PHACTR1: variants seen among roughly 807,000 people sequenced by gnomAD.
The protein encoded by PHACTR1 is RPEL repeat containing 1.
A neutral mutation model predicts 69.2 loss-of-function variants in PHACTR1; 16 were observed. The observed-to-expected ratio is 0.23, with a 90% CI of 0.16 to 0.35. The LOEUF is 0.35. Ranked by LOEUF, PHACTR1 falls within the 10% of genes least tolerant of loss-of-function variation. The pLI, the probability that PHACTR1 is intolerant of heterozygous loss-of-function variation, is 1.00. For synonymous variants in PHACTR1, 312 were observed against 284.5 expected (o/e 1.10, Z -0.97); for missense variants, 510 against 734.7 (o/e 0.69, Z 3.54).
intron 5 of PHACTR1, among the ~76,000 whole-genome samples, chr6:13,081,270 A>G (rs918750268): frequency 6.6e-6 from 1 of 152,188 alleles, no homozygotes; most frequent in Non-Finnish European, 1.5e-5. Context: ...CAGTTTCCTC[A>G]TGCGTGAAGT....
intron 4 of PHACTR1, among the ~76,000 whole-genome samples, chr6:12,868,816 T>C (rs572784048): frequency 6.6e-6 from 1 of 152,136 alleles, no homozygotes; most frequent in African/African-American, 2.4e-5. Context: ...CATTCTATCA[T>C]TTAGAACAAA....
chr6:13,253,206 G>A (rs1445191896), intron 10 of PHACTR1, among the ~76,000 whole-genome samples: 1 of 152,186 alleles, frequency 6.6e-6, no homozygotes, highest in East Asian at 1.9e-4. Context: ...AAACACATGA[G>A]CTGCACATGT....
intron 4 of PHACTR1, among the ~76,000 whole-genome samples, chr6:12,935,216 T>C (rs1229106805): frequency 6.6e-6 from 1 of 152,176 alleles, no homozygotes; most frequent in Non-Finnish European, 1.5e-5. Flanking sequence ...AAAAGTATGA[T>C]GTAACTTATA....
At position 13,002,648 on chromosome 6, in the gene PHACTR1, C is replaced by T. The variant is rs74920378; in HGVS notation, c.251-50717C>T. Among the ~76,000 whole-genome samples the T allele has an allele frequency of 2.9e-3, 442 of 152,274 alleles. 1 individual carries two copies. Among genetic ancestry groups the T allele is most frequent in the Non-Finnish European group, 4.7e-3 (320 of 68,022 alleles). On this transcript the variant is annotated intron_variant, in intron 4 of 14. Coordinates refer to ENST00000332995, the MANE Select transcript of PHACTR1 (RefSeq NM_030948.6). ...AACTTGGCTGTACCAATGCCTGCCTCGAGAGTCAACTCTAAATGAATGTAA... is the reference window on the plus strand; with the variant it reads ...AACTTGGCTGTACCAATGCCTGCCTTGAGAGTCAACTCTAAATGAATGTAA...
At position 12,719,051 on chromosome 6, in the gene PHACTR1, A is replaced by C. The variant is rs1268890381; in HGVS notation, c.103+204A>C. Among the ~76,000 whole-genome samples the C allele has an allele frequency of 2.0e-5, 3 of 152,216 alleles. No homozygotes were observed. The East Asian group carries it at 5.8e-4, about 29-fold the overall frequency. On this transcript the variant is annotated intron_variant, in intron 3 of 14. Coordinates refer to ENST00000332995, the MANE Select transcript of PHACTR1 (RefSeq NM_030948.6). ...CCACACTTCTTGGATGTGGTTAAAAAAATGCCCAACTTTTGGTGTAAGTGC... is the reference window on the plus strand; with the variant it reads ...CCACACTTCTTGGATGTGGTTAAAACAATGCCCAACTTTTGGTGTAAGTGC...
At chr6:13,020,050 G>A (rs113802695) in intron 4 of PHACTR1, among the ~76,000 whole-genome samples, 2,597 of 152,292 alleles carry the variant, frequency 0.017, 46 homozygotes, top group Non-Finnish European at 0.026. Flanking sequence ...AGGTGAGTTT[G>A]TTGAAGGCCA....
chr6:13,286,486 G>A (rs1781721463), intron 14 of PHACTR1, among the ~76,000 whole-genome samples: 1 of 152,212 alleles, frequency 6.6e-6, no homozygotes, highest in African/African-American at 2.4e-5. Context: ...GACTACCAAC[G>A]ACCCCAAGGT....
chr6:13,221,880 A>G (rs756817914), intron 8 of PHACTR1, among the ~76,000 whole-genome samples: 2 of 152,156 alleles, frequency 1.3e-5, no homozygotes, highest in African/African-American at 2.4e-5. Flanking sequence ...TACTAAAAAT[A>G]TAATAATTAG....
intron 4 of PHACTR1, among the ~76,000 whole-genome samples, chr6:12,804,214 T>A (rs955641431): frequency 1.3e-5 from 2 of 152,242 alleles, no homozygotes; most frequent in Non-Finnish European, 2.9e-5. Flanking sequence ...TGGAATTATC[T>A]GCTCATTGAA....
chr6:12,833,234 C>A (rs1289823361), intron 4 of PHACTR1, among the ~76,000 whole-genome samples: 1 of 151,844 alleles, frequency 6.6e-6, no homozygotes, highest in African/African-American at 2.4e-5. Flanking sequence ...ACTAGATAAT[C>A]TCTGCTCCAC....
At chr6:13,060,280 A>G (rs1303923063) in intron 5 of PHACTR1, among the ~76,000 whole-genome samples, 1 of 152,200 alleles carries the variant, frequency 6.6e-6, no homozygotes, top group Non-Finnish European at 1.5e-5. Flanking sequence ...AGATTAGTGT[A>G]GAGTGAGAAG....
At chr6:13,138,352 A>G (rs929238724) in intron 5 of PHACTR1, among the ~76,000 whole-genome samples, 8 of 152,228 alleles carry the variant, frequency 5.3e-5, no homozygotes, top group African/African-American at 1.9e-4. Context: ...AAGGATTTAC[A>G]ATTGTAAGCT....
rs1187637461 is a variant in PHACTR1, at chr6:13,244,591, C to A, written c.1391+14398C>A. Among the ~76,000 whole-genome samples the A allele has an allele frequency of 2.0e-5, 3 of 152,344 alleles. 1 individual carries two copies. The East Asian group carries it at 5.8e-4, about 29-fold the overall frequency. On this transcript the variant is annotated intron_variant, in intron 10 of 14. Coordinates refer to ENST00000332995, the MANE Select transcript of PHACTR1 (RefSeq NM_030948.6). ...ACATTCTCTTTCTCAGGGATATCCC[C>A]TGCTGAGAAAAAGAATTCAGCGATA...
chr6:12,845,085 G>C (rs1393250026), intron 4 of PHACTR1, among the ~76,000 whole-genome samples: 3 of 152,190 alleles, frequency 2.0e-5, no homozygotes, highest in Non-Finnish European at 1.5e-5. Flanking sequence ...GTGTGTGTTT[G>C]TGTGCATATT....
intron 3 of PHACTR1, among the ~76,000 whole-genome samples, chr6:12,722,005 C>T (rs536786808): frequency 7.9e-5 from 12 of 152,226 alleles, no homozygotes; most frequent in Non-Finnish European, 1.5e-4. Context: ...GGGTCTCATG[C>T]TATTGCTGAA....
At chr6:12,978,239 C>G (rs1795119790) in intron 4 of PHACTR1, among the ~76,000 whole-genome samples, 1 of 152,214 alleles carries the variant, frequency 6.6e-6, no homozygotes, top group Non-Finnish European at 1.5e-5. Context: ...TGAATCTCAT[C>G]ATGTCACCCC....
chr6:12,879,181 G>A (rs1782835182), intron 4 of PHACTR1, among the ~76,000 whole-genome samples: 1 of 152,224 alleles, frequency 6.6e-6, no homozygotes, highest in Admixed American at 6.5e-5. Flanking sequence ...AATCATCTGA[G>A]CAAGAAATTT....
chr6:13,242,885 T>C (rs769017644), intron 10 of PHACTR1, among the ~76,000 whole-genome samples: 2 of 152,202 alleles, frequency 1.3e-5, no homozygotes, highest in Non-Finnish European at 2.9e-5. Flanking sequence ...ACCAACTGTG[T>C]GCACAGCTCT....
At chr6:13,006,116 A>T (rs1185680084) in intron 4 of PHACTR1, among the ~76,000 whole-genome samples, 1 of 152,172 alleles carries the variant, frequency 6.6e-6, no homozygotes, top group Non-Finnish European at 1.5e-5. Flanking sequence ...CCAGTACACA[A>T]CTACAGTGTG....
Sources: gnomAD v4.1 joint callset for allele counts (sites outside exome capture counted in the v4.1 genomes callset) on GRCh38, gnomAD v4.1.1 for gene constraint, MANE v1.5 for transcripts, NCBI Gene and HGNC (gene_info 2026-07-23, HGNC 2026-07-21) for gene names.